The following CALCA variants were observed in gnomAD, a reference collection of about 807,000 sequenced individuals.
The protein encoded by CALCA is calcitonin related polypeptide alpha.
Under a neutral mutation model 6.9 loss-of-function variants are expected in CALCA, and 4 were observed. The ratio of observed to expected loss-of-function variants is 0.58; its 90% CI spans 0.29 to 1.33. CALCA has a LOEUF of 1.33. Among genes scored for constraint, CALCA ranks in the 40% most tolerant of loss-of-function variants. The pLI, the probability that CALCA is intolerant of heterozygous loss-of-function variation, is 0.09. For synonymous variants in CALCA, 78 were observed against 70.0 expected, an observed-to-expected ratio of 1.11 and a Z score of -0.57; for missense variants, 174 against 178.3, an observed-to-expected ratio of 0.98 and a Z score of 0.14.
At position 14,968,825 on chromosome 11, in the gene CALCA, C is replaced by G. The variant is rs1245081047; in HGVS notation, c.400G>C (p.Val134Leu). The G allele has an allele frequency of 6.2e-7, 1 of 1,614,188 alleles. No individual in the cohort carries two copies. The highest frequency in any genetic ancestry group is 1.7e-5 in the Admixed American group (1 of 60,016). The change falls in exon 4 of 4, where the codon GTT becomes CTT. Residue 134 changes from valine (V) to leucine (L), a missense_variant. Physicochemically the swap from Val to Leu is conservative, Grantham distance 32 (BLOSUM62 1). Transcript: ENST00000331587. ...TAGTTGGCATTCTGGGGCATGCTAA[C>G]ATGAGGGCGATGGTCTCTCTCCAAG... is the stretch of plus-strand genomic sequence containing the variant. ...SDLERDHRPH[V>L]SMPQNAN is the part of the protein sequence containing the mutation.
chr11:14,969,795 C>G, intron 3 of CALCA, 140 bp downstream of exon 3: 14 of 1,330,126 alleles, frequency 1.1e-5, no homozygotes, highest in East Asian at 4.6e-5. Context: ...AGGCTGAGAA[C>G]AGCTGGGCCC....
At position 14,971,179 on chromosome 11, in the gene CALCA, T is replaced by A. The variant is rs1555026452; in HGVS notation, c.14A>T (p.Lys5Met). ...GCTGAGAGCCAGGAAGGGGGAGAAC[T>A]TTTGGAAGCCCATGACACCTCTCTG... MGFQ[K>M]FSPFLALSIL... is the part of the protein sequence containing the mutation. Residue 5 changes from lysine (K) to methionine (M), a missense_variant, in exon 2 of 4, where the codon AAG (lysine) becomes ATG (methionine). Transcript: ENST00000331587. The A allele has an allele frequency of 1.2e-6, 2 of 1,613,908 alleles. No individual in the cohort carries two copies. The highest frequency in any genetic ancestry group is 2.2e-5 in the South Asian group (2 of 91,064).
At chr11:14,970,616 T>C (rs1417146157) in intron 2 of CALCA, among the ~76,000 whole-genome samples, 2 of 152,166 alleles carry the variant, frequency 1.3e-5, no homozygotes, top group South Asian at 2.1e-4. Flanking sequence ...AAATTTATAA[T>C]AGGCCGGGCG....
Position 14,968,825 on chromosome 11 carries a change from C to T in CALCA, c.400G>A (p.Val134Ile), listed in dbSNP as rs1245081047. Reference sequence around the variant, plus strand: ...TAGTTGGCATTCTGGGGCATGCTAACATGAGGGCGATGGTCTCTCTCCAAG... The same window carrying T: ...TAGTTGGCATTCTGGGGCATGCTAATATGAGGGCGATGGTCTCTCTCCAAG... ...SDLERDHRPH[V>I]SMPQNAN Residue 134 changes from valine (V) to isoleucine (I), a missense_variant, in exon 4 of 4, where the codon GTT becomes ATT. Physicochemically the swap from Val to Ile is conservative, Grantham distance 29. Transcript: ENST00000331587. The T allele has an allele frequency of 1.9e-6, 3 of 1,614,070 alleles. No individual in the cohort carries two copies. The highest frequency in any genetic ancestry group is 2.5e-6 in the Non-Finnish European group (3 of 1,180,052).
downstream of CALCA, among the ~76,000 whole-genome samples, chr11:14,967,511 T>A (rs1241198661): frequency 6.6e-6 from 1 of 152,094 alleles, no homozygotes; most frequent in East Asian, 1.9e-4. Flanking sequence ...CAGAGATGAA[T>A]CCAAATTCTA....
At chr11:14,967,798 G>A, downstream of CALCA, 1 of 1,614,162 alleles carries the variant, frequency 6.2e-7, no homozygotes, top group Non-Finnish European at 8.5e-7. Flanking sequence ...CAGCAAGCCT[G>A]CCAGCCGATG....
At chr11:14,971,908 G>A (rs1269047421) in intron 1 of CALCA, among the ~76,000 whole-genome samples, 1 of 152,158 alleles carries the variant, frequency 6.6e-6, no homozygotes, top group Non-Finnish European at 1.5e-5. Flanking sequence ...GGCTCCAGAC[G>A]CCGTCCCTGA....
chr11:14,968,619 G>A lies in CALCA; in HGVS notation c.*180C>T. ...CCCTCATTTTCTGGTATTTTCCCAG[G>A]TGATTCTCTTCCAACCTGTGAGTCC... is the stretch of plus-strand genomic sequence containing the variant. On this transcript the variant is annotated 3_prime_UTR_variant, in exon 4 of 4. Coordinates refer to ENST00000331587, the MANE Select transcript of CALCA (RefSeq NM_001741.3). The A allele has an allele frequency of 6.6e-7, 1 of 1,525,662 alleles. No homozygotes were observed. The highest frequency in any genetic ancestry group is 8.8e-7 in the Non-Finnish European group (1 of 1,138,322). The allele number at this position is 1,525,662 out of a possible 1,614,324, so 94.5% of individuals were successfully genotyped here.
chr11:14,969,310 G>T (rs1469399761), intron 3 of CALCA, among the ~76,000 whole-genome samples: 1 of 152,154 alleles, frequency 6.6e-6, no homozygotes, highest in Non-Finnish European at 1.5e-5. Context: ...CTGGGGCCAG[G>T]CCAGGGGCTG....
Position 14,968,554 on chromosome 11 carries a change from C to A in CALCA, c.*245G>T, listed in dbSNP as rs1489201410. On this transcript the variant is annotated 3_prime_UTR_variant, in exon 4 of 4. Coordinates refer to ENST00000331587, the MANE Select transcript of CALCA (RefSeq NM_001741.3). ...ATGATCAGCACATTCAGAAGCAGGA[C>A]AGAGGAGCTCTGATGACATCTCTGG... The A allele has an allele frequency of 2.1e-6, 3 of 1,406,394 alleles. No individual in the cohort carries two copies. The East Asian group carries it at 8.4e-5, about 39-fold the overall frequency. The allele number at this position is 1,406,394 out of a possible 1,614,324, so 87.1% of individuals were successfully genotyped here. A position where few individuals can be genotyped will look rare whatever the true frequency, so the allele number is the denominator to read the frequency against.
At chr11:14,967,996 CA>C, downstream of CALCA, 1 of 959,282 alleles carries the variant, frequency 1.0e-6, no homozygotes, top group Non-Finnish European at 1.6e-6. Flanking sequence ...ACACAATTAT[CA>C]GAGCAGAAAA....
chr11:14,968,185 T>A, downstream of CALCA: 1 of 396,504 alleles, frequency 2.5e-6, no homozygotes. Context: ...GAGTGAATTA[T>A]GGTCCCACAC....
chr11:14,969,561 A>C (rs1485933374), intron 3 of CALCA, among the ~76,000 whole-genome samples: 2 of 152,122 alleles, frequency 1.3e-5, no homozygotes, highest in Non-Finnish European at 2.9e-5. Context: ...GGTGGATCCA[A>C]ATTTCTAAAA....
rs781905279 is a variant in CALCA, at chr11:14,969,975, C to T, written c.187G>A (p.Ala63Thr). The change falls in exon 3 of 4, where the codon GCC becomes ACC. Residue 63 changes from alanine (A) to threonine (T), a missense_variant. By Grantham distance (58) the Ala-to-Thr change is moderately conservative (BLOSUM62 0). Coordinates refer to ENST00000331587, the MANE Select transcript of CALCA (RefSeq NM_001741.3). ...ALVQDYVQMK[A>T]SELEQEQERE... ...TCTTGCTCCTGCTCCAGCTCACTGG[C>T]CTTCATCTGCACATAGTCCTGCACC... 4.3e-6 allele frequency: 7 copies of T among 1,613,892 alleles called. No individual in the cohort carries two copies. Among genetic ancestry groups the T allele is most frequent in the Non-Finnish European group, 5.9e-6 (7 of 1,180,050 alleles).
At chr11:14,967,541 T>C, downstream of CALCA, 1 of 1,000,374 alleles carries the variant, frequency 1.0e-6, no homozygotes, top group African/African-American at 1.6e-5. Flanking sequence ...CTACTGGAAC[T>C]CAGATACTGG....
At position 14,971,142 on chromosome 11, in the gene CALCA, C is replaced by A; in HGVS notation, c.51G>T (p.Leu17=). The change falls in exon 2 of 4, where the codon CTG becomes CTT. Residue 17 remains leucine (L), a synonymous_variant. Transcript: ENST00000331587. ...CTGCATGGAGGCTGCCTGCCTGCAA[C>A]AGGACCAAGATGCTGAGAGCCAGGA... ...SPFLALSILV[L]LQAGSLHAAP... 2 of 1,614,130 alleles carry A rather than the reference C, an allele frequency of 1.2e-6. No homozygotes were observed. Among genetic ancestry groups the A allele is most frequent in the Non-Finnish European group, 1.7e-6 (2 of 1,180,022 alleles).
chr11:14,969,945 C>G lies in CALCA; in HGVS notation c.217G>C (p.Glu73Gln), dbSNP rs1555026084. 3.1e-6 allele frequency: 5 copies of G among 1,613,052 alleles called. No individual in the cohort carries two copies. Among genetic ancestry groups the G allele is most frequent in the Non-Finnish European group, 4.2e-6 (5 of 1,179,982 alleles). The change falls in exon 3 of 4, where the codon GAG (glutamate) becomes CAG (glutamine). Residue 73 changes from glutamate to glutamine, a missense_variant. Glu to Gln is a conservative substitution (Grantham distance 29). Transcript: ENST00000331587. ...CTTGGGGAGCCTCACCTGGAGCCCT[C>G]TCTCTCTTGCTCCTGCTCCAGCTCA... ...ASELEQEQER[E>Q]GSSLDSPRSK...
downstream of CALCA, chr11:14,967,614 T>A: frequency 6.2e-7 from 1 of 1,601,868 alleles, no homozygotes; most frequent in African/African-American, 1.3e-5. Context: ...TCAGAGTGGT[T>A]TTACACCCCT....
At chr11:14,971,401 GCA>G (rs1849601791) in intron 1 of CALCA, among the ~76,000 whole-genome samples, 200 bp from the exon 2 acceptor site, 1 of 152,180 alleles carries the variant, frequency 6.6e-6, no homozygotes, top group Non-Finnish European at 1.5e-5. Flanking sequence ...CCTGTAGCAT[GCA>G]CAGTCTGATA....
Sources: allele counts gnomAD v4.1 joint callset (sites outside exome capture counted in the v4.1 genomes callset), GRCh38; gene constraint gnomAD v4.1.1; transcripts MANE v1.5; gene names NCBI Gene and HGNC (gene_info 2026-07-23, HGNC 2026-07-21).